The following ROBO1 variants were observed in gnomAD, a reference collection of about 807,000 sequenced individuals.
The protein encoded by ROBO1 is roundabout guidance receptor 1.
ROBO1 carries 149 observed loss-of-function variants against 195.9 expected under a neutral mutation model. The observed-to-expected ratio is 0.76, with a 90% CI of 0.67 to 0.87. The LOEUF (loss-of-function observed/expected upper bound fraction) is 0.87. Ranked by LOEUF, ROBO1 falls within the 40% of genes least tolerant of loss-of-function variation. The probability of loss-of-function intolerance (pLI) is 0.00; values close to 1 mark genes in which losing one functional copy is unlikely to be tolerated. For synonymous variants in ROBO1, 816 were observed against 733.2 expected (o/e 1.11, Z -1.82); for missense variants, 1,933 against 2,068.3 (o/e 0.93, Z 1.27).
intron 4 of ROBO1, among the ~76,000 whole-genome samples, chr3:78,855,526 A>AT (rs973095637): frequency 3.0e-4 from 46 of 152,278 alleles, no homozygotes; most frequent in African/African-American, 1.0e-3. Flanking sequence ...GGATATGTGG[A>AT]TTTTTTCATT....
chr3:79,509,946 A>T (rs942062812), intron 2 of ROBO1, among the ~76,000 whole-genome samples: 1 of 152,090 alleles, frequency 6.6e-6, no homozygotes, highest in Admixed American at 6.6e-5. Flanking sequence ...TATATCAGGC[A>T]TGGTGCAAAG....
chr3:78,767,842 G>T (rs2083268938), intron 4 of ROBO1, among the ~76,000 whole-genome samples: 1 of 151,948 alleles, frequency 6.6e-6, no homozygotes, highest in African/African-American at 2.4e-5. Context: ...ATTGCTAATG[G>T]TCTATCGATT....
chr3:78,690,355 G>A (rs2081145225), intron 8 of ROBO1, among the ~76,000 whole-genome samples: 1 of 151,696 alleles, frequency 6.6e-6, no homozygotes, highest in East Asian at 1.9e-4. Context: ...TGAAAAATCA[G>A]GTCAAAGGCT....
chr3:78,606,854 A>G lies in ROBO1; in HGVS notation c.4623T>C (p.Val1541=), dbSNP rs765342304. 1 of 1,613,852 alleles carries G rather than the reference A, an allele frequency of 6.2e-7. No homozygotes were observed. The highest frequency in any genetic ancestry group is 8.5e-7 in the Non-Finnish European group (1 of 1,179,876). ...GATCACCTGGATTTGTTCGCATGTC[A>G]ACAACCTGTCTTCCATCCAACACTT... ...GREVLDGRQV[V]DMRTNPGDPR... The change falls in exon 29 of 31, where the codon GTT becomes GTC. Residue 1541 remains valine, a synonymous_variant. Coordinates refer to ENST00000464233, the MANE Select transcript of ROBO1 (RefSeq NM_002941.4).
At chr3:79,385,547 G>A (rs961152412) in intron 2 of ROBO1, among the ~76,000 whole-genome samples, 2 of 151,984 alleles carry the variant, frequency 1.3e-5, no homozygotes, top group Admixed American at 6.6e-5. Context: ...TCCTAAAGGC[G>A]ACATAAAGCT....
chr3:79,257,042 C>T (rs1212202635), intron 2 of ROBO1, among the ~76,000 whole-genome samples: 1 of 152,152 alleles, frequency 6.6e-6, no homozygotes, highest in African/African-American at 2.4e-5. Flanking sequence ...TAAGTTACAT[C>T]TTCACAGATT....
At position 78,884,199 on chromosome 3, in the gene ROBO1, T is replaced by C. The variant is rs539615217; in HGVS notation, c.499+54402A>G. 3.3e-5 allele frequency among the ~76,000 whole-genome samples: 5 copies of C among 152,234 alleles called. No homozygotes were observed. The East Asian group carries it at 9.6e-4, about 29-fold the overall frequency. Reference sequence around the variant, plus strand: ...CAGCTAATGAAGAATCACTATAGGATTATAATGAAGAGAATGACAATAACA... The same window carrying C: ...CAGCTAATGAAGAATCACTATAGGACTATAATGAAGAGAATGACAATAACA... On this transcript the variant is annotated intron_variant, in intron 4 of 30. Coordinates refer to ENST00000464233, the MANE Select transcript of ROBO1 (RefSeq NM_002941.4).
intron 4 of ROBO1, among the ~76,000 whole-genome samples, chr3:78,912,494 T>C (rs1356037773): frequency 6.6e-6 from 1 of 152,148 alleles, no homozygotes. Context: ...AATTCTGGTC[T>C]GCATGCTGCC....
intron 2 of ROBO1, among the ~76,000 whole-genome samples, chr3:79,569,667 G>GTATATATA (rs1943209258): frequency 9.0e-6 from 1 of 110,926 alleles, no homozygotes; most frequent in African/African-American, 4.5e-5. Flanking sequence ...GTGTGTGTGT[G>GTATATATA]TGTGTGTATA....
chr3:79,586,676 A>AT (rs1245592501), intron 2 of ROBO1, among the ~76,000 whole-genome samples: 1 of 151,724 alleles, frequency 6.6e-6, no homozygotes, highest in Non-Finnish European at 1.5e-5. Flanking sequence ...AGGTTTTTTA[A>AT]TTTTTTAATT....
intron 4 of ROBO1, among the ~76,000 whole-genome samples, chr3:78,871,961 T>C (rs1251300360): frequency 2.0e-5 from 3 of 152,182 alleles, no homozygotes; most frequent in Non-Finnish European, 4.4e-5. Context: ...CATCTGTCTT[T>C]GCTTTAAATT....
chr3:79,194,747 T>C (rs1418479213), intron 2 of ROBO1, among the ~76,000 whole-genome samples: 2 of 151,646 alleles, frequency 1.3e-5, no homozygotes, highest in Non-Finnish European at 3.0e-5. Flanking sequence ...ACAAAGATCA[T>C]CTTATTCTTT....
intron 2 of ROBO1, among the ~76,000 whole-genome samples, chr3:79,273,187 T>C (rs903923357): frequency 6.6e-6 from 1 of 152,112 alleles, no homozygotes; most frequent in African/African-American, 2.4e-5. Flanking sequence ...TTAGTGGTAG[T>C]AGTTAACTGA....
intron 2 of ROBO1, among the ~76,000 whole-genome samples, chr3:79,220,652 G>C (rs1559744524): frequency 6.6e-6 from 1 of 151,906 alleles, no homozygotes; most frequent in South Asian, 2.1e-4. Context: ...GCCCAGTTTT[G>C]TATGATGGAG....
chr3:79,143,279 A>G (rs527262864), intron 2 of ROBO1, among the ~76,000 whole-genome samples: 3 of 152,240 alleles, frequency 2.0e-5, no homozygotes, highest in African/African-American at 7.2e-5. Flanking sequence ...AAAAAAATAT[A>G]AATCTTCCAT....
intron 3 of ROBO1, chr3:79,019,329 G>A (rs2078044947): frequency 3.0e-6 from 3 of 985,740 alleles, no homozygotes; most frequent in East Asian, 1.1e-4. Context: ...GCTCTCCCCG[G>A]GGTGGCAGAG....
At chr3:79,634,072 C>T (rs1248552485) in intron 1 of ROBO1, among the ~76,000 whole-genome samples, 1 of 152,122 alleles carries the variant, frequency 6.6e-6, no homozygotes, top group African/African-American at 2.4e-5. Context: ...TGACTTATAC[C>T]TAAGAAACTT....
rs142794577 is a variant in ROBO1 at position 79,509,079 on chromosome 3, G to A, written c.88+80745C>T. Among the ~76,000 whole-genome samples the A allele has an allele frequency of 3.9e-5, 6 of 152,076 alleles. No homozygotes were observed. The East Asian group carries it at 1.2e-3, about 29-fold the overall frequency. ...CAAAAACAATTTTTATAATGTAGGAGCACATAGTTAATTTATTGCAAAAAG... is the reference window on the plus strand; with the variant it reads ...CAAAAACAATTTTTATAATGTAGGAACACATAGTTAATTTATTGCAAAAAG... On this transcript the variant is annotated intron_variant, in intron 2 of 30. Transcript: ENST00000464233.
At chr3:79,512,464 C>T (rs918007171) in intron 2 of ROBO1, among the ~76,000 whole-genome samples, 1 of 152,140 alleles carries the variant, frequency 6.6e-6, no homozygotes, top group African/African-American at 2.4e-5. Context: ...TCTCCCAAAC[C>T]TGCGAACTCG....
Sources: allele counts gnomAD v4.1 joint callset (sites outside exome capture counted in the v4.1 genomes callset), GRCh38; gene constraint gnomAD v4.1.1; transcripts MANE v1.5; gene names NCBI Gene and HGNC (gene_info 2026-07-23, HGNC 2026-07-21).